The following PLXDC2 variants were observed in gnomAD, a reference collection of about 807,000 sequenced individuals.
PLXDC2 encodes plexin domain-containing protein 2.
PLXDC2 carries 40 observed loss-of-function variants against 68.9 expected under a neutral mutation model. The ratio of observed to expected loss-of-function variants is 0.58; its 90% CI spans 0.45 to 0.76. The LOEUF (loss-of-function observed/expected upper bound fraction) is 0.76. PLXDC2 is among the 30% of genes least tolerant of loss of function. The pLI, the probability that PLXDC2 is intolerant of heterozygous loss-of-function variation, is 0.00. For missense variants in PLXDC2, 644 were observed against 661.9 expected, an observed-to-expected ratio of 0.97 and a Z score of 0.30; for synonymous variants, 243 against 234.2, an observed-to-expected ratio of 1.04 and a Z score of -0.34.
intron 4 of PLXDC2, among the ~76,000 whole-genome samples, chr10:20,077,355 A>G (rs987730833): frequency 6.6e-6 from 1 of 152,168 alleles, no homozygotes; most frequent in African/African-American, 2.4e-5. Flanking sequence ...TTTTTAATAC[A>G]TTACAGAAAA....
At chr10:19,891,903 AGGAT>A (rs1322573344) in intron 1 of PLXDC2, among the ~76,000 whole-genome samples, 2 of 152,228 alleles carry the variant, frequency 1.3e-5, no homozygotes, top group Non-Finnish European at 2.9e-5. Context: ...AATAGGTTAA[AGGAT>A]CCTTACTGAA....
chr10:20,236,860 T>C (rs1835439293), intron 12 of PLXDC2, among the ~76,000 whole-genome samples: 1 of 152,160 alleles, frequency 6.6e-6, no homozygotes, highest in Non-Finnish European at 1.5e-5. Context: ...TGAATGAGAC[T>C]AGAATCAGCC....
intron 6 of PLXDC2, among the ~76,000 whole-genome samples, chr10:20,156,471 C>G (rs571882561): frequency 6.6e-6 from 1 of 152,244 alleles, no homozygotes; most frequent in African/African-American, 2.4e-5. Context: ...GCAAATATTG[C>G]CTGGAAAATT....
At chr10:19,914,383 A>C (rs1473154204) in intron 1 of PLXDC2, among the ~76,000 whole-genome samples, 2 of 152,198 alleles carry the variant, frequency 1.3e-5, no homozygotes, top group African/African-American at 4.8e-5. Flanking sequence ...GTCTCAGTAG[A>C]TATTCCATTG....
chr10:19,860,086 T>C (rs1837290830), intron 1 of PLXDC2, among the ~76,000 whole-genome samples: 1 of 152,196 alleles, frequency 6.6e-6, no homozygotes. Context: ...GTCATACAGA[T>C]AAAAGCAAAG....
intron 4 of PLXDC2, among the ~76,000 whole-genome samples, chr10:20,137,452 A>G (rs1329567740): frequency 2.0e-5 from 3 of 152,180 alleles, no homozygotes; most frequent in Non-Finnish European, 4.4e-5. Context: ...GTCAATTTAC[A>G]TCTCATTTTA....
chr10:20,222,900 A>T (rs189798920), intron 12 of PLXDC2, among the ~76,000 whole-genome samples: 3 of 152,366 alleles, frequency 2.0e-5, no homozygotes, highest in Admixed American at 6.5e-5. Flanking sequence ...AAATATTTCT[A>T]GTTACATGTG....
chr10:19,844,727 C>G (rs1323626273), intron 1 of PLXDC2, among the ~76,000 whole-genome samples: 1 of 151,894 alleles, frequency 6.6e-6, no homozygotes, highest in East Asian at 1.9e-4. Context: ...TCCTGAGTAG[C>G]TGGGACTACA....
At chr10:19,926,122 C>A (rs1833534470) in intron 1 of PLXDC2, among the ~76,000 whole-genome samples, 1 of 152,122 alleles carries the variant, frequency 6.6e-6, no homozygotes, top group African/African-American at 2.4e-5. Context: ...TACAGTTCTA[C>A]CTGGTCTGGT....
chr10:19,883,472 TTCTC>T (rs980098560), intron 1 of PLXDC2, among the ~76,000 whole-genome samples: 51 of 152,312 alleles, frequency 3.3e-4, no homozygotes, highest in African/African-American at 1.0e-3. Context: ...AAAATCATCA[TTCTC>T]TCTCTATTTT....
At chr10:19,944,638 G>A (rs2131400867) in intron 1 of PLXDC2, among the ~76,000 whole-genome samples, 1 of 152,226 alleles carries the variant, frequency 6.6e-6, no homozygotes, top group East Asian at 1.9e-4. Flanking sequence ...TACAGAAAAC[G>A]GAAGTAAGGT....
intron 4 of PLXDC2, among the ~76,000 whole-genome samples, chr10:20,098,991 G>T (rs1833387510): frequency 1.3e-5 from 2 of 151,976 alleles, no homozygotes; most frequent in Non-Finnish European, 2.9e-5. Flanking sequence ...ACACAGCTAA[G>T]AATGGGAAAA....
intron 1 of PLXDC2, among the ~76,000 whole-genome samples, chr10:19,928,840 G>A (rs765145757): frequency 3.4e-5 from 5 of 146,294 alleles, no homozygotes; most frequent in South Asian, 2.1e-4. Flanking sequence ...CTGTAACCTC[G>A]GCCTCCTGGG....
chr10:20,165,434 C>G (rs1834361705), intron 7 of PLXDC2, among the ~76,000 whole-genome samples: 1 of 152,076 alleles, frequency 6.6e-6, no homozygotes, highest in Non-Finnish European at 1.5e-5. Flanking sequence ...CCCTTTCCCC[C>G]CACCCCACAA....
chr10:20,259,007 C>CAAAAAAAAA (rs59615493), intron 13 of PLXDC2, among the ~76,000 whole-genome samples: 2 of 102,132 alleles, frequency 2.0e-5, no homozygotes, highest in South Asian at 3.3e-4. Flanking sequence ...TACTCCGTCT[C>CAAAAAAAAA]AAAAAAAAAA....
At chr10:19,858,773 G>A (rs1309512502) in intron 1 of PLXDC2, among the ~76,000 whole-genome samples, 2 of 152,106 alleles carry the variant, frequency 1.3e-5, no homozygotes, top group South Asian at 2.1e-4. Context: ...GGCACTAGAA[G>A]TCATTAGGAA....
At chr10:20,025,485 C>T (rs1190072065) in intron 2 of PLXDC2, among the ~76,000 whole-genome samples, 5 of 152,088 alleles carry the variant, frequency 3.3e-5, no homozygotes, top group Non-Finnish European at 5.9e-5. Flanking sequence ...TGGTCTTGAA[C>T]TCCCGACCTC....
intron 13 of PLXDC2, among the ~76,000 whole-genome samples, chr10:20,266,615 A>G (rs1277264966): frequency 3.3e-5 from 5 of 152,170 alleles, no homozygotes; most frequent in Non-Finnish European, 5.9e-5. Flanking sequence ...GAGAAAAGTA[A>G]ATAACCGGAG....
intron 13 of PLXDC2, among the ~76,000 whole-genome samples, chr10:20,278,237 C>T (rs1485398854): frequency 6.6e-6 from 1 of 152,134 alleles, no homozygotes; most frequent in African/African-American, 2.4e-5. Flanking sequence ...AGAACAAAAT[C>T]TCATTGGTGC....
Sources: gnomAD v4.1 joint callset for allele counts (sites outside exome capture counted in the v4.1 genomes callset) on GRCh38, gnomAD v4.1.1 for gene constraint, MANE v1.5 for transcripts, NCBI Gene and HGNC (gene_info 2026-07-23, HGNC 2026-07-21) for gene names.